CAMK1D: variants seen among roughly 807,000 people sequenced by gnomAD.
CAMK1D encodes calcium/calmodulin dependent protein kinase ID, also known as calcium/calmodulin-dependent protein kinase type 1D.
Under a neutral mutation model 47.7 loss-of-function variants are expected in CAMK1D, and 9 were observed. The observed-to-expected ratio is 0.19, with a 90% CI of 0.11 to 0.33. The LOEUF is 0.33. Among genes scored for constraint, CAMK1D ranks in the 10% least tolerant of loss-of-function variants. The pLI, the probability that CAMK1D is intolerant of heterozygous loss-of-function variation, is 1.00. For synonymous variants in CAMK1D, 184 were observed against 184.9 expected, an observed-to-expected ratio of 0.99 and a Z score of 0.04; for missense variants, 291 against 488.7, an observed-to-expected ratio of 0.60 and a Z score of 3.81.
At chr10:12,722,350 G>A (rs1482353310) in intron 3 of CAMK1D, among the ~76,000 whole-genome samples, 1 of 146,576 alleles carries the variant, frequency 6.8e-6, no homozygotes, top group Non-Finnish European at 1.5e-5. Flanking sequence ...GGAGGCTGAG[G>A]CAGGAGAATG....
chr10:12,538,843 G>A (rs112487600), intron 1 of CAMK1D, among the ~76,000 whole-genome samples: 30 of 150,096 alleles, frequency 2.0e-4, no homozygotes, highest in African/African-American at 7.4e-4. Context: ...GGGGAGGGGG[G>A]CAGTGGAACT....
intron 3 of CAMK1D, among the ~76,000 whole-genome samples, chr10:12,744,558 A>T (rs192968141): frequency 2.6e-5 from 4 of 152,146 alleles, no homozygotes; most frequent in Admixed American, 2.6e-4. Context: ...GCAGAAAGGC[A>T]TATTTTAAAA....
chr10:12,729,696 G>T (rs1834806604), intron 3 of CAMK1D, among the ~76,000 whole-genome samples: 1 of 152,032 alleles, frequency 6.6e-6, no homozygotes. Context: ...GAGGAGGAGG[G>T]ACGGTTAAAC....
intron 1 of CAMK1D, among the ~76,000 whole-genome samples, chr10:12,373,052 G>C (rs1838049037): frequency 6.6e-6 from 1 of 152,178 alleles, no homozygotes; most frequent in Non-Finnish European, 1.5e-5. Context: ...TCTTTTAACA[G>C]ACGTTTGCAA....
intron 1 of CAMK1D, chr10:12,415,897 C>G (rs1271415499): frequency 6.6e-6 from 1 of 151,908 alleles, no homozygotes; most frequent in Non-Finnish European, 1.5e-5. Flanking sequence ...CCTCGACCTC[C>G]TGGGCTCAAG....
At chr10:12,750,375 G>A (rs1331291105) in intron 3 of CAMK1D, among the ~76,000 whole-genome samples, 2 of 152,280 alleles carry the variant, frequency 1.3e-5, no homozygotes, top group East Asian at 3.9e-4. Context: ...TTTTGAAATG[G>A]ATGATTATTA....
chr10:12,742,709 T>C, intron 3 of CAMK1D, among the ~76,000 whole-genome samples: 1 of 147,304 alleles, frequency 6.8e-6, no homozygotes, highest in Middle Eastern at 3.4e-3. Flanking sequence ...AACAGTTATT[T>C]GAGATCACAT....
chr10:12,618,378 C>T (rs563101746), intron 2 of CAMK1D, among the ~76,000 whole-genome samples: 57 of 152,302 alleles, frequency 3.7e-4, no homozygotes, highest in African/African-American at 1.1e-3. Context: ...AACATCTGTC[C>T]GTGCTACTTA....
At chr10:12,450,422 A>AT (rs139792954) in intron 1 of CAMK1D, among the ~76,000 whole-genome samples, 2,451 of 152,224 alleles carry the variant, frequency 0.016, 64 homozygotes, top group African/African-American at 0.055. Context: ...AGCCGTTGTG[A>AT]TTTTGTTAAT....
At chr10:12,477,087 A>T (rs566359209) in intron 1 of CAMK1D, among the ~76,000 whole-genome samples, 7 of 152,214 alleles carry the variant, frequency 4.6e-5, no homozygotes, top group African/African-American at 1.7e-4. Context: ...TGCCCGGGGC[A>T]TGGGATTGTC....
chr10:12,383,284 TG>T (rs1431919225), intron 1 of CAMK1D, among the ~76,000 whole-genome samples: 1 of 152,178 alleles, frequency 6.6e-6, no homozygotes, highest in Non-Finnish European at 1.5e-5. Flanking sequence ...TTGTTGTTAC[TG>T]TAAAGAGCTT....
intron 5 of CAMK1D, among the ~76,000 whole-genome samples, chr10:12,771,010 A>G (rs1329023566): frequency 6.6e-6 from 1 of 150,734 alleles, no homozygotes; most frequent in Non-Finnish European, 1.5e-5. Flanking sequence ...ACTCACTGCA[A>G]CCTCCGCTTC....
chr10:12,645,978 T>C (rs1839801737), intron 2 of CAMK1D, among the ~76,000 whole-genome samples: 1 of 152,092 alleles, frequency 6.6e-6, no homozygotes, highest in African/African-American at 2.4e-5. Context: ...TTGTTTTTTT[T>C]TTTTTTTTAA....
chr10:12,733,214 T>C (rs533719408), intron 3 of CAMK1D, among the ~76,000 whole-genome samples: 1 of 152,276 alleles, frequency 6.6e-6, no homozygotes, highest in Non-Finnish European at 1.5e-5. Flanking sequence ...AGTATGAAGG[T>C]AAATTGGAGG....
chr10:12,769,335 C>T (rs1258347335), intron 4 of CAMK1D, among the ~76,000 whole-genome samples: 1 of 152,178 alleles, frequency 6.6e-6, no homozygotes, highest in Admixed American at 6.5e-5. Flanking sequence ...TACTTCATTT[C>T]CTGGAATCTC....
At chr10:12,573,732 C>T (rs973706264) in intron 2 of CAMK1D, among the ~76,000 whole-genome samples, 1 of 151,262 alleles carries the variant, frequency 6.6e-6, no homozygotes, top group Non-Finnish European at 1.5e-5. Flanking sequence ...GGACTCACTG[C>T]AGCCTTGAAA....
chr10:12,480,840 T>G (rs536514515), intron 1 of CAMK1D, among the ~76,000 whole-genome samples: 1 of 152,286 alleles, frequency 6.6e-6, no homozygotes, highest in Admixed American at 6.5e-5. Flanking sequence ...AACGTGTAGA[T>G]ATATGAGATG....
At chr10:12,472,144 T>C (rs1481663275) in intron 1 of CAMK1D, among the ~76,000 whole-genome samples, 1 of 152,224 alleles carries the variant, frequency 6.6e-6, no homozygotes, top group Non-Finnish European at 1.5e-5. Flanking sequence ...CCTTCTCCTT[T>C]GTCGAGTTCA....
intron 2 of CAMK1D, among the ~76,000 whole-genome samples, chr10:12,563,696 A>AGAGAGAGAGAGAGAGAGAGAGG: frequency 1.6e-5 from 1 of 64,146 alleles, no homozygotes; most frequent in East Asian, 4.4e-4. Flanking sequence ...AGAGAGAGAG[A>AGAGAGAGAGAGAGAGAGAGAGG]GAGGGAGAGA....
Sources: gnomAD v4.1 joint callset for allele counts (sites outside exome capture counted in the v4.1 genomes callset) on GRCh38, gnomAD v4.1.1 for gene constraint, MANE v1.5 for transcripts, NCBI Gene and HGNC (gene_info 2026-07-23, HGNC 2026-07-21) for gene names.